RUNX1T1: variants seen among roughly 807,000 people sequenced by gnomAD.
RUNX1T1 encodes RUNX1 partner transcriptional co-repressor 1.
RUNX1T1 carries 4 observed loss-of-function variants against 62.8 expected under a neutral mutation model. The observed-to-expected ratio is 0.06, with a 90% CI of 0.03 to 0.15. The LOEUF (loss-of-function observed/expected upper bound fraction) is 0.15, where lower values mean the gene tolerates loss of function less well. RUNX1T1 is among the 10% of genes least tolerant of loss of function. The pLI, the probability that RUNX1T1 is intolerant of heterozygous loss-of-function variation, is 1.00. For synonymous variants in RUNX1T1, 291 were observed against 286.0 expected (o/e 1.02, Z -0.18); for missense variants, 508 against 754.3 (o/e 0.67, Z 3.82).
intron 5 of RUNX1T1, 141 bp from the exon 7 acceptor site, chr8:91,992,030 A>G: frequency 1.1e-6 from 1 of 882,524 alleles, no homozygotes; most frequent in Non-Finnish European, 1.7e-6. Context: ...CCCAGAAAAC[A>G]TACGGGAATT....
At chr8:91,955,780 A>C (rs1299784117), downstream of RUNX1T1, 1 of 225,800 alleles carries the variant, frequency 4.4e-6, no homozygotes, top group African/African-American at 2.2e-5. Context: ...ACAGTATATA[A>C]GATAATCTGT....
At chr8:92,093,728 A>C (rs1194780317) in intron 1 of RUNX1T1, among the ~76,000 whole-genome samples, 2 of 152,218 alleles carry the variant, frequency 1.3e-5, no homozygotes, top group Admixed American at 6.5e-5. Context: ...AATGAATGTC[A>C]CTCATGCAAC....
At chr8:92,102,848 G>A (rs998268036), upstream of RUNX1T1, 4 of 1,516,876 alleles carry the variant, frequency 2.6e-6, no homozygotes, top group Admixed American at 8.4e-5. This position sits in a 1 kb window ranked among gnomAD's most constrained non-coding sequence, Gnocchi z 4.5. Flanking sequence ...CCCTACCGCG[G>A]ACACTTACAC....
intron 4 of RUNX1T1, among the ~76,000 whole-genome samples, chr8:92,008,053 A>T (rs1821153962): frequency 6.6e-6 from 1 of 152,104 alleles, no homozygotes; most frequent in African/African-American, 2.4e-5. Context: ...CTACCATTGT[A>T]CATGCAGTCC....
At chr8:92,025,928 T>A (rs1432630499) in intron 1 of RUNX1T1, among the ~76,000 whole-genome samples, 1 of 152,226 alleles carries the variant, frequency 6.6e-6, no homozygotes, top group Admixed American at 6.5e-5. Flanking sequence ...GACTTTTTAG[T>A]ATATGATATT....
intron 5 of RUNX1T1, among the ~76,000 whole-genome samples, chr8:91,997,083 C>T (rs952731786): frequency 5.9e-5 from 9 of 151,990 alleles, no homozygotes; most frequent in Non-Finnish European, 1.3e-4. Flanking sequence ...ACCAAGATCG[C>T]GCCACTGCAC....
intron 1 of RUNX1T1, among the ~76,000 whole-genome samples, chr8:92,084,870 T>A (rs1386040944): frequency 6.6e-6 from 1 of 151,964 alleles, no homozygotes; most frequent in African/African-American, 2.4e-5. Context: ...CATCCTCATA[T>A]CCCCCAGTGT....
chr8:91,987,553 AAAAAT>A (rs1816833790), intron 6 of RUNX1T1, among the ~76,000 whole-genome samples: 2 of 152,198 alleles, frequency 1.3e-5, no homozygotes, highest in Admixed American at 6.5e-5. Flanking sequence ...CCAAAAATTA[AAAAAT>A]AAAAGTAAAT....
rs73306044 is a variant in RUNX1T1 at position 92,016,098 on chromosome 8, T to C, written c.145+1128A>G. On this transcript the variant is annotated intron_variant, in intron 2 of 10. Transcript: ENST00000396218. The stretch of plus-strand genomic sequence containing the variant: ...GCCTTTTAGTTATTTTTCATTCATA[T>C]GGATTTCATGGCACATGGTGTGCAA... Among the ~76,000 whole-genome samples, 302 of 152,352 alleles carry C rather than the reference T, an allele frequency of 2.0e-3. 2 individuals carry two copies. The highest frequency in any genetic ancestry group is 6.8e-3 in the African/African-American group (282 of 41,586).
intron 10 of RUNX1T1, among the ~76,000 whole-genome samples, chr8:91,962,178 T>TTC (rs1810613779): frequency 6.6e-6 from 1 of 152,188 alleles, no homozygotes; most frequent in South Asian, 2.1e-4. Context: ...GAACTCCAAT[T>TTC]TAAAACTTTT....
exon 1 of RUNX1T1, chr8:92,062,701 C>G: frequency 6.2e-7 from 1 of 1,608,880 alleles, no homozygotes. Context: ...GGGTGCTGGG[C>G]GCGTGCGCCT....
intron 1 of RUNX1T1, among the ~76,000 whole-genome samples, chr8:92,043,524 TAAATG>T (rs1241114900): frequency 6.6e-6 from 1 of 151,878 alleles, no homozygotes; most frequent in African/African-American, 2.4e-5. Flanking sequence ...AATTTTAAAA[TAAATG>T]AAATAATAAA....
chr8:92,095,510 A>G (rs1286622835), intron 1 of RUNX1T1: 1 of 1,511,664 alleles, frequency 6.6e-7, no homozygotes, highest in East Asian at 2.5e-5. Context: ...AGAGGAGAGA[A>G]GCCAACGTGC....
intron 1 of RUNX1T1, among the ~76,000 whole-genome samples, chr8:92,028,122 G>A: frequency 8.1e-6 from 1 of 124,084 alleles, no homozygotes; most frequent in South Asian, 3.6e-4. Flanking sequence ...GAGGGAGGAG[G>A]GGAGGGAGGG....
upstream of RUNX1T1, among the ~76,000 whole-genome samples, chr8:92,063,281 C>T (rs1375711362): frequency 6.6e-6 from 1 of 152,178 alleles, no homozygotes. Flanking sequence ...TTTTTAGAAG[C>T]TGAGCCGACC....
At chr8:91,970,457 C>T (rs1812591020) in intron 10 of RUNX1T1, among the ~76,000 whole-genome samples, 1 of 152,096 alleles carries the variant, frequency 6.6e-6, no homozygotes, top group Non-Finnish European at 1.5e-5. Flanking sequence ...CATTCAAAAC[C>T]TTTTTTGGCA....
chr8:91,956,349 A>G (rs1809384550), downstream of RUNX1T1: 3 of 230,400 alleles, frequency 1.3e-5, no homozygotes, highest in African/African-American at 4.4e-5. Flanking sequence ...CTCAACACGC[A>G]TGGATAAGCC....
chr8:92,053,241 G>A (rs1830501460), intron 1 of RUNX1T1, among the ~76,000 whole-genome samples: 1 of 151,962 alleles, frequency 6.6e-6, no homozygotes, highest in Non-Finnish European at 1.5e-5. Flanking sequence ...ACTTACCTAG[G>A]ATTATTGATA....
intron 10 of RUNX1T1, among the ~76,000 whole-genome samples, chr8:91,965,251 T>C (rs1490745592): frequency 6.6e-6 from 1 of 152,190 alleles, no homozygotes; most frequent in Non-Finnish European, 1.5e-5. Context: ...ACTAATAATT[T>C]CTTCCGCAAC....
Sources: gnomAD v4.1 joint callset for allele counts (sites outside exome capture counted in the v4.1 genomes callset) on GRCh38, gnomAD v4.1.1 for gene constraint, Gnocchi (gnomAD v3.1) non-coding constraint, MANE v1.5 for transcripts, NCBI Gene and HGNC (gene_info 2026-07-23, HGNC 2026-07-21) for gene names.